The following AMER3 variants were observed in gnomAD, a reference collection of about 807,000 sequenced individuals.
AMER3 encodes APC membrane recruitment protein 3, also known as family with sequence similarity 123C.
For missense variants in AMER3, 1,201 were observed against 1,139.4 expected (o/e 1.05, Z -0.78); for synonymous variants, 541 against 485.5 (o/e 1.11, Z -1.50).
In AMER3 at chr2:130,764,128, A is replaced by C. The variant is rs752665531; in HGVS notation, c.2056A>C (p.Ser686Arg). The change falls in exon 2 of 2, where the codon AGC becomes CGC. Residue 686 changes from serine to arginine, a missense_variant. By Grantham distance (110) the Ser-to-Arg change is moderately radical (BLOSUM62 -1). Transcript: ENST00000321420. ...CVARVAALKI[S>R]SNEQPPAAWP... ...GGCCCGTGTGGCAGCCCTGAAGATCAGCTCAAACGAACAGCCCCCGGCCGC... is the reference window on the plus strand; with the variant it reads ...GGCCCGTGTGGCAGCCCTGAAGATCCGCTCAAACGAACAGCCCCCGGCCGC... 3.8e-5 allele frequency: 61 copies of C among 1,611,846 alleles called. No individual in the cohort carries two copies. Among genetic ancestry groups the C allele is most frequent in the Non-Finnish European group, 3.6e-5 (43 of 1,179,420 alleles).
chr2:130,762,726 G>T lies in AMER3; in HGVS notation c.654G>T (p.Leu218Phe). ...TGGACGGCCTGTGCCAGGACCTGTT[G>T]GACAGCGAGCTCCTGGCCGATGCAT... is the stretch of plus-strand genomic sequence containing the variant. Reference protein sequence around the residue: ...PGLDGLCQDLLDSELLADASF... With the variant: ...PGLDGLCQDLFDSELLADASF... The change falls in exon 2 of 2, where the codon TTG (leucine) becomes TTT (phenylalanine). Residue 218 changes from leucine to phenylalanine, a missense_variant. By Grantham distance (22) the Leu-to-Phe change is conservative. Transcript: ENST00000321420. The T allele has an allele frequency of 6.2e-7, 1 of 1,612,020 alleles. No individual in the cohort carries two copies. Among genetic ancestry groups the T allele is most frequent in the South Asian group, 1.1e-5 (1 of 91,028 alleles).
At chr2:130,757,883 G>A (rs571943023) in intron 1 of AMER3, among the ~76,000 whole-genome samples, 2 of 152,286 alleles carry the variant, frequency 1.3e-5, no homozygotes, top group East Asian at 1.9e-4. Flanking sequence ...CTGTAATCCT[G>A]GTACTTTGGG....
At position 130,763,985 on chromosome 2, in the gene AMER3, G is replaced by T; in HGVS notation, c.1913G>T (p.Trp638Leu). 1 of 1,613,482 alleles carries T rather than the reference G, an allele frequency of 6.2e-7. No individual in the cohort carries two copies. The highest frequency in any genetic ancestry group is 8.5e-7 in the Non-Finnish European group (1 of 1,179,866). ...GKNKAPVPST[W>L]PCSQKEPGPP... Reference sequence around the variant, plus strand: ...AATAAGGCCCCAGTTCCTTCTACCTGGCCCTGCTCCCAGAAGGAGCCTGGG... The same window carrying T: ...AATAAGGCCCCAGTTCCTTCTACCTTGCCCTGCTCCCAGAAGGAGCCTGGG... Residue 638 changes from tryptophan to leucine, a missense_variant, in exon 2 of 2, where the codon TGG becomes TTG. Coordinates refer to ENST00000321420, the MANE Select transcript of AMER3 (RefSeq NM_152698.3).
chr2:130,760,040 A>G (rs1358778683), intron 1 of AMER3, among the ~76,000 whole-genome samples: 1 of 152,200 alleles, frequency 6.6e-6, no homozygotes, highest in African/African-American at 2.4e-5. Flanking sequence ...CAGAGTAGAA[A>G]GTCTGCAGGT....
rs1034859149 is a variant in AMER3 at position 130,763,729 on chromosome 2, G to T, written c.1657G>T (p.Asp553Tyr). ...GGGGGGCAGGGAGGGCCTGGCCTCA[G>T]ATGCAGGGGGGGCGACAGTTTGCTC... ...KLGGREGLAS[D>Y]AGGATVCSAP... The change falls in exon 2 of 2, where the codon GAT becomes TAT. Residue 553 changes from aspartate to tyrosine, a missense_variant. Physicochemically the swap from Asp to Tyr is radical, Grantham distance 160. Transcript: ENST00000321420. The T allele has an allele frequency of 1.9e-6, 3 of 1,578,262 alleles. No individual in the cohort carries two copies. Among genetic ancestry groups the T allele is most frequent in the Admixed American group, 1.8e-5 (1 of 54,764 alleles).
rs1251664798 is a variant in AMER3, at chr2:130,763,989, C to T, written c.1917C>T (p.Pro639=). ...AGGCCCCAGTTCCTTCTACCTGGCC[C>T]TGCTCCCAGAAGGAGCCTGGGCCAC... is the stretch of plus-strand genomic sequence containing the variant. The part of the protein sequence containing the change: ...KNKAPVPSTW[P]CSQKEPGPPG... The change falls in exon 2 of 2, where the codon CCC becomes CCT. Residue 639 remains proline, a synonymous_variant. Transcript: ENST00000321420. 13 of 1,613,524 alleles carry T rather than the reference C, an allele frequency of 8.1e-6. No individual in the cohort carries two copies. Among genetic ancestry groups the T allele is most frequent in the Non-Finnish European group, 1.1e-5 (13 of 1,179,868 alleles).
rs1355772272 is a variant in AMER3, at chr2:130,764,177, G to T, written c.2105G>T (p.Gly702Val). 2.5e-6 allele frequency: 4 copies of T among 1,608,198 alleles called. No individual in the cohort carries two copies. Among genetic ancestry groups the T allele is most frequent in the Non-Finnish European group, 3.4e-6 (4 of 1,176,862 alleles). ...GCATGGCCTCCAAGGCAAGACATGGGCAGTGGGCTCTTTGGGCAGCGCTGG... is the reference window on the plus strand; with the variant it reads ...GCATGGCCTCCAAGGCAAGACATGGTCAGTGGGCTCTTTGGGCAGCGCTGG... ...PAAWPPRQDM[G>V]SGLFGQRWAR... The change falls in exon 2 of 2, where the codon GGC (glycine) becomes GTC (valine). Residue 702 changes from glycine (G) to valine (V), a missense_variant. By Grantham distance (109) the Gly-to-Val change is moderately radical. Transcript: ENST00000321420.
intron 1 of AMER3, among the ~76,000 whole-genome samples, chr2:130,759,346 T>G (rs990407489): frequency 1.3e-5 from 2 of 152,264 alleles, no homozygotes; most frequent in South Asian, 4.1e-4. Context: ...TTGACTGTTA[T>G]GAGAACTGAG....
rs1338746886 is a variant in AMER3 at position 130,762,820 on chromosome 2, TGTG to T, written c.750_752del (p.Cys250_Gly251delinsTrp). The T allele has an allele frequency of 2.5e-6, 4 of 1,613,388 alleles. No individual in the cohort carries two copies. Among genetic ancestry groups the T allele is most frequent in the Non-Finnish European group, 3.4e-6 (4 of 1,179,862 alleles). ...CCAGAGCTTCGACTCGCTCACGGGTTGTGGGGAGGTGTTCGCAGATGAGAGCTC... is the reference window on the plus strand; with the variant it reads ...CCAGAGCTTCGACTCGCTCACGGGTTGGGAGGTGTTCGCAGATGAGAGCTC... On this transcript the variant is annotated inframe_deletion, in exon 2 of 2. Coordinates refer to ENST00000321420, the MANE Select transcript of AMER3 (RefSeq NM_152698.3).
Position 130,765,622 on chromosome 2 carries a change from AG to A in AMER3, c.*967del, listed in dbSNP as rs1678961733. ...CACACAGTCAACCTGGGATGCCGGC[AG>A]GGTGGCTCAGGACGAAAGCCTCAGG... On this transcript the variant is annotated 3_prime_UTR_variant, in exon 2 of 2. Coordinates refer to ENST00000321420, the MANE Select transcript of AMER3 (RefSeq NM_152698.3). 3 of 167,056 alleles carry A rather than the reference AG, an allele frequency of 1.8e-5. No individual in the cohort carries two copies. The highest frequency in any genetic ancestry group is 7.2e-5 in the African/African-American group (3 of 41,466). 10.3% of individuals were successfully genotyped at this position (167,056 alleles called of 1,614,324 possible). A position where few individuals can be genotyped will look rare whatever the true frequency, so the allele number is the denominator to read the frequency against.
At position 130,762,910 on chromosome 2, in the gene AMER3, G is replaced by A. The variant is rs1032245500; in HGVS notation, c.838G>A (p.Glu280Lys). The A allele has an allele frequency of 5.0e-6, 8 of 1,612,884 alleles. No individual in the cohort carries two copies. The highest frequency in any genetic ancestry group is 1.3e-5 in the African/African-American group (1 of 74,912). Residue 280 changes from glutamate to lysine, a missense_variant, in exon 2 of 2, where the codon GAG (glutamate) becomes AAG (lysine). Transcript: ENST00000321420. Reference sequence around the variant, plus strand: ...CCCAACCCAGGCTGCTCAGGGCCTGGAGAGCAAGGTTCCCAGGGGCCCTCT... The same window carrying A: ...CCCAACCCAGGCTGCTCAGGGCCTGAAGAGCAAGGTTCCCAGGGGCCCTCT... ...ESPTQAAQGL[E>K]SKVPRGPLQG...
At chr2:130,756,140 C>A (rs972399471) in intron 1 of AMER3, among the ~76,000 whole-genome samples, 29 of 148,424 alleles carry the variant, frequency 2.0e-4, no homozygotes, top group Non-Finnish European at 3.0e-4. Flanking sequence ...CGCGCCCCCT[C>A]GCCACCCCTG....
rs1469431904 is a variant in AMER3, at chr2:130,762,862, G to A, written c.790G>A (p.Glu264Lys). The part of the protein sequence containing the change: ...FADESSVPSL[E>K]LNEGPESPTQ... ...AGATGAGAGCTCGGTGCCATCTCTG[G>A]AGCTGAACGAGGGCCCGGAGAGCCC... The change falls in exon 2 of 2, where the codon GAG (glutamate) becomes AAG (lysine). Residue 264 changes from glutamate to lysine, a missense_variant. Transcript: ENST00000321420. The A allele has an allele frequency of 6.2e-7, 1 of 1,613,266 alleles. No individual in the cohort carries two copies.
At chr2:130,757,896 G>T (rs1574038798) in intron 1 of AMER3, among the ~76,000 whole-genome samples, 3 of 152,288 alleles carry the variant, frequency 2.0e-5, no homozygotes, top group Admixed American at 2.0e-4. Context: ...ACTTTGGGAG[G>T]CCTAGGTGGG....
Position 130,764,411 on chromosome 2 carries a change from A to T in AMER3, c.2339A>T (p.Glu780Val), listed in dbSNP as rs1678921454. 1 of 1,611,580 alleles carries T rather than the reference A, an allele frequency of 6.2e-7. No individual in the cohort carries two copies. The highest frequency in any genetic ancestry group is 1.1e-5 in the South Asian group (1 of 90,766). ...VEDQPLQLSTEAVEQVAHGSQ... is the reference protein window; with the variant it reads ...VEDQPLQLSTVAVEQVAHGSQ... The stretch of plus-strand genomic sequence containing the variant: ...GACCAGCCCTTGCAGCTCAGCACAG[A>T]GGCTGTGGAGCAGGTGGCACACGGC... The change falls in exon 2 of 2, where the codon GAG becomes GTG. Residue 780 changes from glutamate to valine, a missense_variant. Physicochemically the swap from Glu to Val is moderately radical, Grantham distance 121 (BLOSUM62 -2). Coordinates refer to ENST00000321420, the MANE Select transcript of AMER3 (RefSeq NM_152698.3).
rs1023917350 is a variant in AMER3 at position 130,766,100 on chromosome 2, G to C, written c.*1442G>C. On this transcript the variant is annotated 3_prime_UTR_variant, in exon 2 of 2. Coordinates refer to ENST00000321420, the MANE Select transcript of AMER3 (RefSeq NM_152698.3). ...CGGGATTGTGATTTTTAAGACTTTAGATGTTAGGGATTTGAAACTTTAGAG... is the reference window on the plus strand; with the variant it reads ...CGGGATTGTGATTTTTAAGACTTTACATGTTAGGGATTTGAAACTTTAGAG... The C allele has an allele frequency of 1.2e-5, 2 of 166,998 alleles. No individual in the cohort carries two copies. Among genetic ancestry groups the C allele is most frequent in the African/African-American group, 2.4e-5 (1 of 41,438 alleles). 10.3% of individuals were successfully genotyped at this position (166,998 alleles called of 1,614,324 possible). A position where few individuals can be genotyped will look rare whatever the true frequency, so the allele number is the denominator to read the frequency against.
At position 130,762,801 on chromosome 2, in the gene AMER3, C is replaced by T. The variant is rs1487373615; in HGVS notation, c.729C>T (p.Ser243=). Residue 243 remains serine, a synonymous_variant, in exon 2 of 2, where the codon AGC becomes AGT. Transcript: ENST00000321420. ...ALCEDVASLQ[S]FDSLTGCGEV... ...GTGAGGACGTGGCCTCACTCCAGAG[C>T]TTCGACTCGCTCACGGGTTGTGGGG... The T allele has an allele frequency of 6.2e-7, 1 of 1,612,688 alleles. No homozygotes were observed. The highest frequency in any genetic ancestry group is 1.3e-5 in the African/African-American group (1 of 75,040).
At chr2:130,761,812 G>A (rs1227865311) in intron 1 of AMER3, among the ~76,000 whole-genome samples, 1 of 152,182 alleles carries the variant, frequency 6.6e-6, no homozygotes, top group African/African-American at 2.4e-5. Flanking sequence ...TGAGCTAAAA[G>A]GGGGATTGGG....
chr2:130,757,488 G>C (rs555387108), intron 1 of AMER3, among the ~76,000 whole-genome samples: 33 of 152,134 alleles, frequency 2.2e-4, no homozygotes, highest in Non-Finnish European at 4.7e-4. Flanking sequence ...ATAAAAGCAC[G>C]GCCCTCGCTG....
Sources: allele counts gnomAD v4.1 joint callset (sites outside exome capture counted in the v4.1 genomes callset), GRCh38; gene constraint gnomAD v4.1.1; transcripts MANE v1.5; gene names NCBI Gene and HGNC (gene_info 2026-07-23, HGNC 2026-07-21).